The following DPP10 variants were observed in gnomAD, a reference collection of about 807,000 sequenced individuals.
DPP10 encodes the protein inactive dipeptidyl peptidase 10.
DPP10 carries 33 observed loss-of-function variants against 120.9 expected under a neutral mutation model. The observed-to-expected ratio is 0.27, with a 90% CI of 0.21 to 0.37. The LOEUF is 0.37. DPP10 is among the 10% of genes least tolerant of loss of function. DPP10 has a pLI of 1.00. For synonymous variants in DPP10, 337 were observed against 326.1 expected (o/e 1.03, Z -0.36); for missense variants, 816 against 942.8 (o/e 0.87, Z 1.76).
rs1692807474 is a variant in DPP10 at position 114,606,382 on chromosome 2, G to C, written c.60+163544G>C. ...CCTGCTACATGGAAATTTTTTCTCT[G>C]ACTGCCTGATGCTCTCATGCTGCTT... is the stretch of plus-strand genomic sequence containing the variant. On this transcript the variant is annotated intron_variant, in intron 1 of 25. Coordinates refer to ENST00000410059, the MANE Select transcript of DPP10 (RefSeq NM_020868.6). Among the ~76,000 whole-genome samples the C allele has an allele frequency of 3.9e-5, 6 of 151,966 alleles. No homozygotes were observed. The South Asian group carries it at 1.2e-3, about 32-fold the overall frequency.
rs548197650 is a variant in DPP10 at position 115,001,111 on chromosome 2, C to A, written c.61-308128C>A. On this transcript the variant is annotated intron_variant, in intron 1 of 25. Coordinates refer to ENST00000410059, the MANE Select transcript of DPP10 (RefSeq NM_020868.6). Reference sequence around the variant, plus strand: ...AACACTCTCTATAGAGCTAAATTAACATTCTTTGTATTGTCATTTCAATAA... The same window carrying A: ...AACACTCTCTATAGAGCTAAATTAAAATTCTTTGTATTGTCATTTCAATAA... Among the ~76,000 whole-genome samples, 492 of 152,276 alleles carry A rather than the reference C, an allele frequency of 3.2e-3. 2 individuals are homozygous for A. The highest frequency in any genetic ancestry group is 5.5e-3 in the Non-Finnish European group (375 of 68,014).
At chr2:115,009,441 GT>G (rs1421317156) in intron 1 of DPP10, among the ~76,000 whole-genome samples, 4 of 151,806 alleles carry the variant, frequency 2.6e-5, no homozygotes, top group Non-Finnish European at 5.9e-5. Flanking sequence ...GTGGGGGTTG[GT>G]GGGGAGGGAT....
chr2:115,393,457 C>T (rs1282825843), intron 3 of DPP10, among the ~76,000 whole-genome samples: 3 of 152,180 alleles, frequency 2.0e-5, no homozygotes, highest in African/African-American at 4.8e-5. Flanking sequence ...ACTGAAGCCA[C>T]CTTCCACTTC....
At chr2:114,754,018 GAT>G (rs1252039247) in intron 1 of DPP10, among the ~76,000 whole-genome samples, 2 of 151,894 alleles carry the variant, frequency 1.3e-5, no homozygotes, top group Non-Finnish European at 2.9e-5. Flanking sequence ...TAAAGCAGAT[GAT>G]ATGTAAAATG....
intron 1 of DPP10, among the ~76,000 whole-genome samples, chr2:115,115,490 C>T (rs371128372): frequency 2.0e-5 from 3 of 152,166 alleles, no homozygotes; most frequent in Non-Finnish European, 4.4e-5. Flanking sequence ...CTCTTTCAAC[C>T]ATGCATTCCA....
At chr2:115,482,887 ATTC>A (rs1328144503) in intron 3 of DPP10, among the ~76,000 whole-genome samples, 2 of 151,902 alleles carry the variant, frequency 1.3e-5, no homozygotes, top group African/African-American at 4.8e-5. Flanking sequence ...ATTTTACTCT[ATTC>A]TTGCTTTGTT....
chr2:115,112,618 A>G (rs1202489282), intron 1 of DPP10, among the ~76,000 whole-genome samples: 1 of 152,216 alleles, frequency 6.6e-6, no homozygotes, highest in Admixed American at 6.5e-5. Flanking sequence ...ATTGTTATTA[A>G]TACATACTGC....
At chr2:114,450,821 G>A (rs184978038) in intron 1 of DPP10, among the ~76,000 whole-genome samples, 2 of 152,154 alleles carry the variant, frequency 1.3e-5, no homozygotes, top group East Asian at 1.9e-4. Context: ...TTCTTCTTTG[G>A]AGCTTGCATT....
intron 1 of DPP10, among the ~76,000 whole-genome samples, chr2:114,943,505 C>T (rs1180858958): frequency 6.6e-6 from 1 of 152,158 alleles, no homozygotes; most frequent in Non-Finnish European, 1.5e-5. Context: ...AACTCCTGAC[C>T]TCATGATCCA....
intron 1 of DPP10, among the ~76,000 whole-genome samples, chr2:115,307,453 A>G (rs576333572): frequency 2.0e-5 from 3 of 152,240 alleles, no homozygotes; most frequent in East Asian, 3.9e-4. Context: ...CTGTTCTTAC[A>G]TTGTGAAACA....
chr2:114,977,567 C>T (rs1006582085), intron 1 of DPP10, among the ~76,000 whole-genome samples: 1 of 152,140 alleles, frequency 6.6e-6, no homozygotes, highest in African/African-American at 2.4e-5. Context: ...AGAGCCAGCT[C>T]TCCTAGACAG....
intron 2 of DPP10, among the ~76,000 whole-genome samples, chr2:115,327,364 C>A (rs1287202800): frequency 6.6e-6 from 1 of 152,010 alleles, no homozygotes; most frequent in Non-Finnish European, 1.5e-5. Context: ...TGTTAAAAAT[C>A]ATGATGAATT....
chr2:115,367,450 A>G (rs921213608), intron 3 of DPP10, among the ~76,000 whole-genome samples: 4 of 152,080 alleles, frequency 2.6e-5, no homozygotes, highest in Middle Eastern at 3.2e-3. Flanking sequence ...TTAACAATCT[A>G]ATAGAGCTTT....
intron 5 of DPP10, among the ~76,000 whole-genome samples, chr2:115,639,557 C>T (rs368644002): frequency 1.1e-4 from 16 of 151,826 alleles, no homozygotes; most frequent in African/African-American, 3.9e-4. Flanking sequence ...TGCAAAGAAC[C>T]AAAGCGAAGC....
intron 5 of DPP10, among the ~76,000 whole-genome samples, chr2:115,594,377 C>T (rs2082864253): frequency 6.6e-6 from 1 of 152,052 alleles, no homozygotes; most frequent in African/African-American, 2.4e-5. Context: ...TATATTTACT[C>T]AGTTGTTAAA....
chr2:115,094,711 A>G (rs1238664212), intron 1 of DPP10, among the ~76,000 whole-genome samples: 2 of 152,204 alleles, frequency 1.3e-5, no homozygotes, highest in African/African-American at 4.8e-5. Context: ...CAAGTAATTT[A>G]GTTTGAGTAG....
intron 1 of DPP10, among the ~76,000 whole-genome samples, chr2:114,960,637 C>T (rs1698542911): frequency 6.6e-6 from 1 of 152,006 alleles, no homozygotes; most frequent in Admixed American, 6.6e-5. Context: ...AATGAAAATC[C>T]AGTTGTAATC....
intron 4 of DPP10, among the ~76,000 whole-genome samples, chr2:115,500,844 A>G (rs1303702393): frequency 1.3e-5 from 2 of 152,000 alleles, no homozygotes; most frequent in Non-Finnish European, 2.9e-5. Flanking sequence ...AATAAACAGT[A>G]TACAGCAGTG....
At chr2:115,563,321 A>G (rs1012604217) in intron 5 of DPP10, among the ~76,000 whole-genome samples, 1 of 152,144 alleles carries the variant, frequency 6.6e-6, no homozygotes, top group Non-Finnish European at 1.5e-5. Context: ...ACTTCCGAGG[A>G]CATAAATCTG....
Sources: allele counts gnomAD v4.1 joint callset (sites outside exome capture counted in the v4.1 genomes callset), GRCh38; gene constraint gnomAD v4.1.1; transcripts MANE v1.5; gene names NCBI Gene and HGNC (gene_info 2026-07-23, HGNC 2026-07-21).